GRIA4: variants seen among roughly 807,000 people sequenced by gnomAD.
The protein encoded by GRIA4 is glutamate ionotropic receptor AMPA type subunit 4.
In GRIA4, 34 loss-of-function variants were observed where a neutral mutation model predicts 104.0. The ratio of observed to expected loss-of-function variants is 0.33; its 90% CI spans 0.25 to 0.44. The LOEUF (loss-of-function observed/expected upper bound fraction) is 0.44, where lower values mean the gene tolerates loss of function less well. Among genes scored for constraint, GRIA4 ranks in the 20% least tolerant of loss-of-function variants. GRIA4 has a pLI of 1.00. For synonymous variants in GRIA4, 386 were observed against 381.9 expected (o/e 1.01, Z -0.13); for missense variants, 750 against 1,096.5 (o/e 0.68, Z 4.46).
intron 6 of GRIA4, among the ~76,000 whole-genome samples, chr11:105,889,559 G>A (rs2136105432): frequency 6.6e-6 from 1 of 152,220 alleles, no homozygotes; most frequent in African/African-American, 2.4e-5. Flanking sequence ...TCTCAAATGT[G>A]AAGTCAATCC....
intron 14 of GRIA4, among the ~76,000 whole-genome samples, chr11:105,956,510 A>T (rs183558345): frequency 2.0e-5 from 3 of 152,252 alleles, no homozygotes; most frequent in East Asian, 1.9e-4. Context: ...TCTATCATTG[A>T]TGGACATTTG....
chr11:105,617,430 C>T (rs912914306), intron 3 of GRIA4, among the ~76,000 whole-genome samples: 8 of 151,846 alleles, frequency 5.3e-5, no homozygotes, highest in Non-Finnish European at 1.2e-4. Context: ...AAAGCCAGAG[C>T]TTGAACTAAT....
intron 4 of GRIA4, among the ~76,000 whole-genome samples, chr11:105,793,340 G>A (rs1271461906): frequency 6.6e-6 from 1 of 152,036 alleles, no homozygotes; most frequent in Non-Finnish European, 1.5e-5. Context: ...ACTTCCCCAG[G>A]GGTAAATAGA....
chr11:105,944,427 G>C (rs955439965), intron 14 of GRIA4, among the ~76,000 whole-genome samples: 1 of 151,908 alleles, frequency 6.6e-6, no homozygotes, highest in Non-Finnish European at 1.5e-5. Context: ...CAATTGTCTG[G>C]TATTTGTTTT....
At chr11:105,848,020 A>C (rs1944659592) in intron 4 of GRIA4, among the ~76,000 whole-genome samples, 1 of 152,250 alleles carries the variant, frequency 6.6e-6, no homozygotes, top group Admixed American at 6.5e-5. Flanking sequence ...ATGTCTTCCA[A>C]AAATGATAAT....
Position 105,979,815 on chromosome 11 carries a change from C to A in GRIA4, c.*76C>A. The A allele has an allele frequency of 1.8e-6, 2 of 1,105,448 alleles. No individual in the cohort carries two copies. The highest frequency in any genetic ancestry group is 2.0e-5 in the Admixed American group (1 of 48,800). 68.5% of individuals were successfully genotyped at this position (1,105,448 alleles called of 1,614,324 possible). On this transcript the variant is annotated 3_prime_UTR_variant, in exon 17 of 17. Transcript: ENST00000282499. ...AAACGCAGCCCTGAGGGACACGCCA[C>A]GCGCGGGTCTTTGCTAAACCAATCC... is the stretch of plus-strand genomic sequence containing the variant.
chr11:105,931,070 A>T (rs1463699503), intron 13 of GRIA4, among the ~76,000 whole-genome samples: 1 of 152,160 alleles, frequency 6.6e-6, no homozygotes, highest in African/African-American at 2.4e-5. Context: ...TTGTAAAATG[A>T]AAGAGTTTGT....
At chr11:105,798,463 G>A (rs1361164899) in intron 4 of GRIA4, among the ~76,000 whole-genome samples, 1 of 152,046 alleles carries the variant, frequency 6.6e-6, no homozygotes, top group Non-Finnish European at 1.5e-5. Flanking sequence ...ATAAAAAGAG[G>A]AGAAAAGGAT....
At chr11:105,679,494 C>T (rs1438805409) in intron 3 of GRIA4, among the ~76,000 whole-genome samples, 1 of 152,126 alleles carries the variant, frequency 6.6e-6, no homozygotes, top group Non-Finnish European at 1.5e-5. Flanking sequence ...TTTGGCCTAA[C>T]ATAATACAAT....
intron 4 of GRIA4, among the ~76,000 whole-genome samples, chr11:105,831,213 G>A (rs1465451915): frequency 6.6e-6 from 1 of 151,976 alleles, no homozygotes; most frequent in African/African-American, 2.4e-5. Context: ...TCTCCACTGG[G>A]TCTATTAACC....
intron 4 of GRIA4, among the ~76,000 whole-genome samples, chr11:105,769,971 C>T (rs936514469): frequency 1.1e-4 from 17 of 152,020 alleles, no homozygotes; most frequent in African/African-American, 3.4e-4. Context: ...TACTTTAACT[C>T]ATGGATTTCT....
chr11:105,723,451 A>G (rs1471350488), intron 3 of GRIA4, among the ~76,000 whole-genome samples: 3 of 152,112 alleles, frequency 2.0e-5, no homozygotes, highest in African/African-American at 7.2e-5. Context: ...ATGTAAAATA[A>G]CGATTGGTCA....
chr11:105,825,645 C>A (rs1943742672), intron 4 of GRIA4, among the ~76,000 whole-genome samples: 1 of 152,032 alleles, frequency 6.6e-6, no homozygotes, highest in South Asian at 2.1e-4. Context: ...AGACAAAGAT[C>A]TCCAAACCCC....
At chr11:105,873,145 A>G (rs112150026) in intron 5 of GRIA4, among the ~76,000 whole-genome samples, 14,935 of 151,622 alleles carry the variant, frequency 0.099, 877 homozygotes, top group Admixed American at 0.19. Context: ...TCATTGTTCA[A>G]CTCTCACTTA....
At chr11:105,972,174 C>T in intron 15 of GRIA4, 146 bp downstream of exon 15, 1 of 515,402 alleles carries the variant, frequency 1.9e-6, no homozygotes, top group Admixed American at 3.2e-5. Context: ...AAATTTCAAC[C>T]ATAGGGATGG....
intron 4 of GRIA4, among the ~76,000 whole-genome samples, chr11:105,838,366 A>G (rs1944270484): frequency 6.6e-6 from 1 of 152,170 alleles, no homozygotes; most frequent in Non-Finnish European, 1.5e-5. Flanking sequence ...ACTACTTTAT[A>G]GTTACATACA....
chr11:105,662,901 T>G (rs1952055778), intron 3 of GRIA4, among the ~76,000 whole-genome samples: 1 of 151,760 alleles, frequency 6.6e-6, no homozygotes, highest in Non-Finnish European at 1.5e-5. Flanking sequence ...TATGTAGACA[T>G]CATTGTAGCG....
intron 4 of GRIA4, among the ~76,000 whole-genome samples, chr11:105,763,611 T>C (rs1940778854): frequency 6.6e-6 from 1 of 152,218 alleles, no homozygotes; most frequent in East Asian, 1.9e-4. Context: ...TACATCCTTA[T>C]CCTTTTCCAA....
intron 3 of GRIA4, among the ~76,000 whole-genome samples, chr11:105,728,436 A>C (rs942099648): frequency 6.6e-6 from 1 of 152,302 alleles, no homozygotes; most frequent in East Asian, 1.9e-4. Context: ...TCAATATTAG[A>C]TAGATGAACA....
Sources: allele counts gnomAD v4.1 joint callset (sites outside exome capture counted in the v4.1 genomes callset), GRCh38; gene constraint gnomAD v4.1.1; transcripts MANE v1.5; gene names NCBI Gene and HGNC (gene_info 2026-07-23, HGNC 2026-07-21).